Variants in MMEL1 observed in about 807,000 individuals in gnomAD.
The protein encoded by MMEL1 is membrane metalloendopeptidase like 1.
Under a neutral mutation model 117.1 loss-of-function variants are expected in MMEL1, and 98 were observed. That is an observed-to-expected ratio of 0.84 (90% CI 0.71 to 0.99). MMEL1 has a LOEUF of 0.99. Among genes scored for constraint, MMEL1 ranks in the 50% least tolerant of loss-of-function variants. The probability of loss-of-function intolerance (pLI) is 0.00; values close to 1 mark genes in which losing one functional copy is unlikely to be tolerated. For missense variants in MMEL1, 1,014 were observed against 1,049.1 expected, an observed-to-expected ratio of 0.97 and a Z score of 0.46; for synonymous variants, 390 against 415.1, an observed-to-expected ratio of 0.94 and a Z score of 0.74.
rs145537255 is a variant in MMEL1 at position 2,616,121 on chromosome 1, A to T, written c.155-3917T>A. Among the ~76,000 whole-genome samples, 488 of 152,296 alleles carry T rather than the reference A, an allele frequency of 3.2e-3. 1 individual carries two copies. The highest frequency in any genetic ancestry group is 0.011 in the African/African-American group (459 of 41,554). ...GAGGCTGAGGTAGGTGGATTGCTTG[A>T]GTCCAGGAGTTGAGACCAGCCCGGG... On this transcript the variant is annotated intron_variant, in intron 2 of 23. Transcript: ENST00000378412.
chr1:2,597,642 C>A (rs1644864058), intron 13 of MMEL1, among the ~76,000 whole-genome samples: 1 of 152,202 alleles, frequency 6.6e-6, no homozygotes, highest in African/African-American at 2.4e-5. Context: ...CTAGGGCCTC[C>A]CTGCGGTTCC....
At chr1:2,617,936 C>A (rs1407123324) in intron 2 of MMEL1, among the ~76,000 whole-genome samples, 3 of 152,226 alleles carry the variant, frequency 2.0e-5, no homozygotes, top group Non-Finnish European at 4.4e-5. Flanking sequence ...ACAGGATCTT[C>A]TCTTTGTTCT....
chr1:2,597,658 T>C (rs2843403), intron 13 of MMEL1, among the ~76,000 whole-genome samples: 82,323 of 151,878 alleles, frequency 0.54, 23,897 homozygotes, highest in Non-Finnish European at 0.66. Context: ...GTTCCTTGTC[T>C]CCACCCTCAC....
At chr1:2,592,169 A>C in intron 21 of MMEL1, 142 bp from the exon 22 acceptor site, 1 of 666,490 alleles carries the variant, frequency 1.5e-6, no homozygotes, top group Non-Finnish European at 2.6e-6. Context: ...CACACACCCC[A>C]CGGATGAGCG....
chr1:2,594,710 C>A (rs545912152), intron 17 of MMEL1, 80 bp downstream of exon 17: 17 of 1,271,854 alleles, frequency 1.3e-5, no homozygotes, highest in Non-Finnish European at 1.9e-5. Context: ...TCCAGTCCCC[C>A]GCCTGGCAGG....
rs767043140 is a variant in MMEL1 at position 2,592,964 on chromosome 1, G to A, written c.1870C>T (p.Arg624Trp). ...ATGTTGCCATTCTTGTCGAAGTTCC[G>A]GCCTGGGCAGGGGCAGAGGAGGGCT... ...EITHGFDDNG[R>W]NFDKNGNMMD... Residue 624 changes from arginine to tryptophan, a missense_variant and splice_region_variant, in exon 20 of 24, where the codon CGG becomes TGG. Coordinates refer to ENST00000378412, the MANE Select transcript of MMEL1 (RefSeq NM_033467.4). 1.1e-5 allele frequency: 17 copies of A among 1,612,972 alleles called. No homozygotes were observed. The Admixed American group carries it at 1.3e-4, about 13-fold the overall frequency.
chr1:2,609,460 C>A, intron 5 of MMEL1, 41 bp from the exon 6 acceptor site: 2 of 1,587,166 alleles, frequency 1.3e-6, no homozygotes, highest in Non-Finnish European at 1.7e-6. Context: ...CCTGACGAGG[C>A]TGCAGGGGCC....
Position 2,594,780 on chromosome 1 carries a change from T to C in MMEL1, c.1688+10A>G, listed in dbSNP as rs758961335. 6.8e-6 allele frequency: 11 copies of C among 1,606,404 alleles called. No individual in the cohort carries two copies. The Admixed American group carries it at 1.3e-4, about 19-fold the overall frequency. ...CCCCCCGCCCATGCCGCACCAGCGA[T>C]GCCACTCACAGATTTGGGTCCACCT... On this transcript the variant is annotated intron_variant, in intron 17 of 23. Transcript: ENST00000378412.
chr1:2,618,650 G>A (rs868699127), intron 2 of MMEL1, among the ~76,000 whole-genome samples: 2 of 152,104 alleles, frequency 1.3e-5, no homozygotes, highest in African/African-American at 4.8e-5. Flanking sequence ...AACCTCTCGC[G>A]GAGAAGCCAA....
Position 2,601,348 on chromosome 1 carries a change from C to A in MMEL1, c.1041+2536G>T, listed in dbSNP as rs147334065. 2.1e-3 allele frequency among the ~76,000 whole-genome samples: 312 copies of A among 152,154 alleles called. 1 individual carries two copies. Among genetic ancestry groups the A allele is most frequent in the African/African-American group, 7.2e-3 (297 of 41,502 alleles). ...ACCTGATTTATAACACAGAAGGCAC[C>A]AAGACCAGGGGCTCACAGGGGGCTC... On this transcript the variant is annotated intron_variant, in intron 11 of 23. Coordinates refer to ENST00000378412, the MANE Select transcript of MMEL1 (RefSeq NM_033467.4).
intron 7 of MMEL1, 114 bp downstream of exon 7, chr1:2,606,860 G>T: frequency 1.0e-6 from 1 of 972,678 alleles, no homozygotes; most frequent in Non-Finnish European, 1.6e-6. Flanking sequence ...GCTCCTGAGA[G>T]CAGCCAGCTG....
chr1:2,625,144 C>A (rs1181859579), intron 2 of MMEL1, among the ~76,000 whole-genome samples: 1 of 152,212 alleles, frequency 6.6e-6, no homozygotes. Context: ...CCCCCAGCCC[C>A]TCCCAAATCT....
At position 2,612,382 on chromosome 1, in the gene MMEL1, G is replaced by A. The variant is rs1195023461; in HGVS notation, c.155-178C>T. 4.6e-5 allele frequency among the ~76,000 whole-genome samples: 7 copies of A among 152,096 alleles called. No homozygotes were observed. The highest frequency in any genetic ancestry group is 8.8e-5 in the Non-Finnish European group (6 of 68,000). Reference sequence around the variant, plus strand: ...AGGAGATCCACAGAGTTCACTGCAGGGGCCAGCTTCAATCTGTGTCCTGCT... The same window carrying A: ...AGGAGATCCACAGAGTTCACTGCAGAGGCCAGCTTCAATCTGTGTCCTGCT... On this transcript the variant is annotated intron_variant, in intron 2 of 23. Coordinates refer to ENST00000378412, the MANE Select transcript of MMEL1 (RefSeq NM_033467.4). This position sits in a 1 kb window ranked among gnomAD's most constrained non-coding sequence, Gnocchi z 5.4.
intron 1 of MMEL1, among the ~76,000 whole-genome samples, chr1:2,630,688 T>C (rs1431355594): frequency 6.6e-6 from 1 of 151,050 alleles, no homozygotes; most frequent in East Asian, 1.9e-4. Flanking sequence ...CGTGTGTGCG[T>C]GTACACTCGT....
intron 8 of MMEL1, 28 bp from the exon 9 acceptor site, chr1:2,605,651 G>A (rs1418455240): frequency 6.2e-7 from 1 of 1,600,668 alleles, no homozygotes; most frequent in East Asian, 2.2e-5. Flanking sequence ...GTGACCCTGG[G>A]CAAGGGGCCC....
chr1:2,615,100 A>T (rs564957901), intron 2 of MMEL1, among the ~76,000 whole-genome samples: 1 of 152,342 alleles, frequency 6.6e-6, no homozygotes, highest in South Asian at 2.1e-4. Context: ...TGAATCTCTC[A>T]TACAGAAGAA....
intron 11 of MMEL1, 30 bp downstream of exon 11, chr1:2,603,854 G>T: frequency 1.9e-6 from 3 of 1,606,966 alleles, no homozygotes; most frequent in Non-Finnish European, 2.6e-6. Context: ...CACCCGGCCA[G>T]TGCCGGCCTC....
At position 2,590,718 on chromosome 1, in the gene MMEL1, A is replaced by C; in HGVS notation, c.*272T>G. ...ATGCACCTTGGAGGGTGGGCAGGAC[A>C]CAGTTGATTGTCTCTACAGAGCTGT... On this transcript the variant is annotated 3_prime_UTR_variant, in exon 24 of 24. Transcript: ENST00000378412. 1 of 382,834 alleles carries C rather than the reference A, an allele frequency of 2.6e-6. No homozygotes were observed. The highest frequency in any genetic ancestry group is 4.5e-5 in the Admixed American group (1 of 22,088). 23.7% of individuals were successfully genotyped at this position (382,834 alleles called of 1,614,324 possible).
At chr1:2,594,197 C>A in intron 18 of MMEL1, 188 bp downstream of exon 18, 1 of 792,572 alleles carries the variant, frequency 1.3e-6, no homozygotes, top group Admixed American at 2.4e-5. Context: ...CTGCCAAGTC[C>A]CTCCCGAAGC....
Sources: gnomAD v4.1 joint callset for allele counts (sites outside exome capture counted in the v4.1 genomes callset) on GRCh38, gnomAD v4.1.1 for gene constraint, Gnocchi (gnomAD v3.1) non-coding constraint, MANE v1.5 for transcripts, NCBI Gene and HGNC (gene_info 2026-07-23, HGNC 2026-07-21) for gene names.